CES4A: variants seen among roughly 807,000 people sequenced by gnomAD.
CES4A encodes carboxylesterase 6.
CES4A carries 48 observed loss-of-function variants against 65.4 expected under a neutral mutation model. The observed-to-expected ratio is 0.73, with a 90% CI of 0.58 to 0.93. The LOEUF is 0.93. Among genes scored for constraint, CES4A ranks in the 40% least tolerant of loss-of-function variants. The probability of loss-of-function intolerance (pLI) is 0.00; values close to 1 mark genes in which losing one functional copy is unlikely to be tolerated. For missense variants in CES4A, 685 were observed against 728.5 expected, an observed-to-expected ratio of 0.94 and a Z score of 0.69; for synonymous variants, 247 against 281.8, an observed-to-expected ratio of 0.88 and a Z score of 1.24.
rs1346102113 is a variant in CES4A, at chr16:67,003,133, T to C, written c.754T>C (p.Phe252Leu). ...CATTTCCCAGAGTGGCACCGCGTTA[T>C]TCAGACTTTTCATCACTAGTAACCC... The change falls in exon 6 of 14, where the codon TTC becomes CTC. Residue 252 changes from phenylalanine to leucine, a missense_variant. Coordinates refer to ENST00000648724, the Ensembl canonical transcript of CES4A. The surrounding 1 kb of genome is among the most constrained non-coding windows in gnomAD (Gnocchi z 4.2). 6.2e-7 allele frequency: 1 copy of C among 1,614,178 alleles called. No homozygotes were observed.
chr16:67,006,513 G>A lies in CES4A; in HGVS notation c.1438G>A (p.Ala480Thr), dbSNP rs377235614. ...GTACTTCCTCTTTGGGGGCCCCTTC[G>A]CCACAGGTGCAAAGGTCCCACCTGA... Residue 480 changes from alanine to threonine, a missense_variant, in exon 12 of 14, where the codon GCC becomes ACC. By Grantham distance (58) the Ala-to-Thr change is moderately conservative. Coordinates refer to ENST00000648724, the Ensembl canonical transcript of CES4A. The A allele has an allele frequency of 4.6e-5, 71 of 1,537,328 alleles. No homozygotes were observed. The East Asian group carries it at 6.4e-4, about 14-fold the overall frequency.
At position 67,003,020 on chromosome 16, in the gene CES4A, G is replaced by C; in HGVS notation, c.691-50G>C. The C allele has an allele frequency of 6.8e-7, 1 of 1,480,674 alleles. No homozygotes were observed. Among genetic ancestry groups the C allele is most frequent in the Non-Finnish European group, 9.4e-7 (1 of 1,058,544 alleles). The allele number at this position is 1,480,674 out of a possible 1,614,324, so 91.7% of individuals were successfully genotyped here. A position where few individuals can be genotyped will look rare whatever the true frequency, so the allele number is the denominator to read the frequency against. On this transcript the variant is annotated intron_variant, in intron 5 of 13. Transcript: ENST00000648724. The surrounding 1 kb of genome is among the most constrained non-coding windows in gnomAD (Gnocchi z 4.2). ...CCAGACAGATGCCCAGAACAGCCCA[G>C]GTGTCTCTACTTGGGCATCTCACGG...
chr16:66,993,789 G>A (rs1964582971), intron 1 of CES4A, among the ~76,000 whole-genome samples: 1 of 152,114 alleles, frequency 6.6e-6, no homozygotes, highest in African/African-American at 2.4e-5. Context: ...AAACATGCTG[G>A]GCTAATGTTA....
rs1338196421 is a variant in CES4A at position 66,995,504 on chromosome 16, G to A, written c.59-124G>A. On this transcript the variant is annotated intron_variant, in intron 1 of 13. Coordinates refer to ENST00000648724, the Ensembl canonical transcript of CES4A. ...CATTTGTGGCTGAGTGGCTGCGCAG[G>A]GGTGACCCTTTTCCCCTCTCTTTCC... 8 of 782,008 alleles carry A rather than the reference G, an allele frequency of 1.0e-5. No homozygotes were observed. The African/African-American group carries it at 1.0e-4, about 10-fold the overall frequency. The allele number at this position is 782,008 out of a possible 1,614,324, so 48.4% of individuals were successfully genotyped here.
intron 8 of CES4A, 76 bp from the exon 9 acceptor site, chr16:67,004,008 G>A (rs1331695407): frequency 2.2e-5 from 34 of 1,519,088 alleles, no homozygotes; most frequent in Non-Finnish European, 2.3e-5. Flanking sequence ...AGCAGCCTCT[G>A]AAGGGGCACC....
In CES4A at chr16:67,000,915, G is replaced by GCT; in HGVS notation, c.464_465dup (p.Asp156LeufsTer24). On this transcript the variant is annotated frameshift_variant, in exon 4 of 14. Transcript: ENST00000648724. LOFTEE classifies it high-confidence loss of function. The surrounding 1 kb of genome is among the most constrained non-coding windows in gnomAD (Gnocchi z 4.2). ...GTGGGCGCTGCTTCTTCGTACGAGG[G>GCT]CTCTGACTTGGCCGCCCGCGAGAAA... The GCT allele has an allele frequency of 3.7e-6, 6 of 1,612,888 alleles. No individual in the cohort carries two copies. Among genetic ancestry groups the GCT allele is most frequent in the Middle Eastern group, 1.7e-4 (1 of 6,060 alleles).
chr16:67,008,839 A>AAAT, intron 13 of CES4A, 135 bp from the exon 14 acceptor site: 1 of 850,806 alleles, frequency 1.2e-6, no homozygotes, highest in South Asian at 1.6e-5. Flanking sequence ...ACTCTTTATT[A>AAAT]AAGTTCTAAG....
chr16:67,006,141 A>G, intron 11 of CES4A: 5 of 479,348 alleles, frequency 1.0e-5, no homozygotes, highest in Non-Finnish European at 1.9e-5. Flanking sequence ...CCTGGCCACA[A>G]TCCTGTGAAT....
chr16:66,998,413 G>A (rs1283173710), intron 2 of CES4A, among the ~76,000 whole-genome samples: 1 of 152,122 alleles, frequency 6.6e-6, no homozygotes, highest in Admixed American at 6.5e-5. Context: ...AACATAGTGA[G>A]ACCCTGTCTC....
chr16:67,001,912 G>A lies in CES4A; in HGVS notation c.690+451G>A, dbSNP rs987434432. On this transcript the variant is annotated intron_variant, in intron 5 of 13. Coordinates refer to ENST00000648724, the Ensembl canonical transcript of CES4A. The surrounding 1 kb of genome is among the most constrained non-coding windows in gnomAD (Gnocchi z 4.1). Reference sequence around the variant, plus strand: ...CTGGAATGTGGGTGTACTGTAAGGTGCCCTGTGAGGGGCATATGGCTGGGA... The same window carrying A: ...CTGGAATGTGGGTGTACTGTAAGGTACCCTGTGAGGGGCATATGGCTGGGA... Among the ~76,000 whole-genome samples, 1 of 152,258 alleles carries A rather than the reference G, an allele frequency of 6.6e-6. No homozygotes were observed. Among genetic ancestry groups the A allele is most frequent in the African/African-American group, 2.4e-5 (1 of 41,458 alleles).
chr16:66,994,320 T>C (rs1964637134), intron 1 of CES4A, among the ~76,000 whole-genome samples: 1 of 147,452 alleles, frequency 6.8e-6, no homozygotes. Context: ...CACTGCAACC[T>C]CCGCTCCTGG....
chr16:67,006,564 C>G (rs780242565), intron 12 of CES4A, 45 bp downstream of exon 12: 1 of 1,554,468 alleles, frequency 6.4e-7, no homozygotes, highest in Admixed American at 1.9e-5. Context: ...TCCAGTCTCC[C>G]ACCTCTGGAT....
intron 13 of CES4A, 171 bp downstream of exon 13, chr16:67,006,988 C>T (rs962930541): frequency 9.9e-6 from 6 of 604,296 alleles, no homozygotes; most frequent in African/African-American, 9.3e-5. Flanking sequence ...GGATCCTAAA[C>T]GTCTCTAGAA....
At chr16:67,008,904 G>T (rs1473654775) in intron 13 of CES4A, 70 bp from the exon 14 acceptor site, 5 of 1,505,976 alleles carry the variant, frequency 3.3e-6, no homozygotes, top group Non-Finnish European at 4.5e-6. Context: ...AATTAAACGA[G>T]GGAAGGGTGA....
exon 13 of CES4A, chr16:67,006,756 G>C: frequency 6.2e-7 from 1 of 1,614,130 alleles, no homozygotes; most frequent in Non-Finnish European, 8.5e-7. Context: ...CCTTTCCATG[G>C]GTAAGGAGAA....
intron 11 of CES4A, 165 bp from the exon 12 acceptor site, chr16:67,006,220 CTTTAGG>C: frequency 1.6e-6 from 1 of 629,536 alleles, no homozygotes; most frequent in Non-Finnish European, 2.7e-6. Context: ...GAGCAACTTG[CTTTAGG>C]TCACACAGTG....
At chr16:66,995,974 C>T (rs547202214) in intron 2 of CES4A, 145 bp downstream of exon 2, 10 of 752,174 alleles carry the variant, frequency 1.3e-5, no homozygotes, top group Admixed American at 4.1e-5. Context: ...TTTTCAGACC[C>T]GTATCATGAG....
At chr16:67,002,586 G>C (rs1387960450) in intron 5 of CES4A, among the ~76,000 whole-genome samples, 1 of 152,076 alleles carries the variant, frequency 6.6e-6, no homozygotes, top group Non-Finnish European at 1.5e-5. Flanking sequence ...CTGGGGGATG[G>C]TATGGGGTAA....
In CES4A at chr16:67,001,329, C is replaced by T. The variant is rs368305873; in HGVS notation, c.558C>T (p.Arg186=). Residue 186 remains arginine, a synonymous_variant, in exon 5 of 14, where the codon CGC becomes CGT. Coordinates refer to ENST00000648724, the Ensembl canonical transcript of CES4A. The surrounding 1 kb of genome is among the most constrained non-coding windows in gnomAD (Gnocchi z 4.1). ...CCAGCACGGACGACAGCCACGCGCG[C>T]GGGAACTGGGGGCTGCTGGACCAGA... 428 of 1,610,912 alleles carry T rather than the reference C, an allele frequency of 2.7e-4. 5 individuals are homozygous for T. In the South Asian group the frequency reaches 4.6e-3, roughly 17 times the overall value.
Sources: gnomAD v4.1 joint callset for allele counts (sites outside exome capture counted in the v4.1 genomes callset) on GRCh38, gnomAD v4.1.1 for gene constraint, Gnocchi (gnomAD v3.1) non-coding constraint, MANE v1.5 for transcripts, NCBI Gene and HGNC (gene_info 2026-07-23, HGNC 2026-07-21) for gene names.